Variants in PRPF19 observed in about 807,000 individuals in gnomAD.
PRPF19 encodes the protein pre-mRNA-processing factor 19.
In PRPF19, 2 loss-of-function variants were observed where a neutral mutation model predicts 64.2. The ratio of observed to expected loss-of-function variants is 0.03; its 90% CI spans 0.01 to 0.10. The LOEUF (loss-of-function observed/expected upper bound fraction) is 0.10, where lower values mean the gene tolerates loss of function less well. Among genes scored for constraint, PRPF19 ranks in the 10% least tolerant of loss-of-function variants. The pLI, the probability that PRPF19 is intolerant of heterozygous loss-of-function variation, is 1.00. For missense variants in PRPF19, 314 were observed against 650.0 expected (o/e 0.48, Z 5.62); for synonymous variants, 226 against 251.6 (o/e 0.90, Z 0.96).
chr11:60,906,491 G>C lies in PRPF19; in HGVS notation c.-109C>G. On this transcript the variant is annotated 5_prime_UTR_variant, in exon 1 of 16. Transcript: ENST00000227524. ...GCTGCTGCCGGGACTGCTCCGCGGC[G>C]AGCTGGGAGCCGCCAGCCGAGCGAT... The C allele has an allele frequency of 1.1e-5, 13 of 1,221,632 alleles. No homozygotes were observed. The highest frequency in any genetic ancestry group is 1.5e-5 in the Non-Finnish European group (13 of 877,666). 75.7% of individuals were successfully genotyped at this position (1,221,632 alleles called of 1,614,324 possible).
chr11:60,901,224 A>G (rs1855981058), intron 8 of PRPF19, 71 bp downstream of exon 8: 1 of 1,530,006 alleles, frequency 6.5e-7, no homozygotes, highest in Non-Finnish European at 9.0e-7. Flanking sequence ...AGCACTCCCC[A>G]TGCTGGCCCG....
Position 60,891,157 on chromosome 11 carries a change from G to C in PRPF19, c.*9C>G. The stretch of plus-strand genomic sequence containing the variant: ...GATGAGGCCCAGCTTCCATCAGAAG[G>C]GCCAGGGCCTACAGGCTGTAGAACT... On this transcript the variant is annotated 3_prime_UTR_variant, in exon 16 of 16. Coordinates refer to ENST00000227524, the MANE Select transcript of PRPF19 (RefSeq NM_014502.5). 1 of 1,581,820 alleles carries C rather than the reference G, an allele frequency of 6.3e-7. No individual in the cohort carries two copies. Among genetic ancestry groups the C allele is most frequent in the Non-Finnish European group, 8.6e-7 (1 of 1,160,320 alleles).
chr11:60,894,653 CA>C (rs1855900298), intron 15 of PRPF19, among the ~76,000 whole-genome samples: 1 of 152,200 alleles, frequency 6.6e-6, no homozygotes, highest in African/African-American at 2.4e-5. Flanking sequence ...CCATGAATCA[CA>C]AATGTTCTTA....
chr11:60,901,675 A>C (rs775934426), intron 6 of PRPF19, 135 bp from the exon 7 acceptor site: 76 of 980,978 alleles, frequency 7.7e-5, no homozygotes, highest in Non-Finnish European at 1.1e-4. Flanking sequence ...ACAGGCTTAA[A>C]GGCATTCTCT....
intron 1 of PRPF19, 152 bp downstream of exon 1, chr11:60,906,212 G>GT: frequency 2.4e-6 from 3 of 1,264,708 alleles, no homozygotes; most frequent in Non-Finnish European, 3.1e-6. Flanking sequence ...CGCTCCGACG[G>GT]GGGGGGCTCC....
intron 15 of PRPF19, 35 bp from the exon 16 acceptor site, chr11:60,891,298 C>T: frequency 6.7e-7 from 1 of 1,489,482 alleles, no homozygotes; most frequent in Non-Finnish European, 9.3e-7. Context: ...TGTGAGAAGG[C>T]TTTTCCTCCT....
At chr11:60,892,616 T>A (rs368179034) in intron 15 of PRPF19, among the ~76,000 whole-genome samples, 11 of 152,064 alleles carry the variant, frequency 7.2e-5, no homozygotes, top group African/African-American at 2.4e-4. Context: ...TTCTGAGAGG[T>A]TAAGTAATAT....
chr11:60,903,580 T>G, intron 2 of PRPF19, 45 bp from the exon 3 acceptor site: 3 of 1,600,074 alleles, frequency 1.9e-6, no homozygotes, highest in Non-Finnish European at 2.6e-6. Context: ...CCCAGGGGCC[T>G]CCCCCGCCAT....
Position 60,898,723 on chromosome 11 carries a change from G to A in PRPF19, c.1055-97C>T. On this transcript the variant is annotated intron_variant, in intron 12 of 15. Coordinates refer to ENST00000227524, the MANE Select transcript of PRPF19 (RefSeq NM_014502.5). The surrounding 1 kb of genome is among the most constrained non-coding windows in gnomAD (Gnocchi z 4.6). ...TTCCTTGTTCTTCACATTCCTCAGTGAACCCAGCACAAAGCCCGCACTAGA... is the reference window on the plus strand; with the variant it reads ...TTCCTTGTTCTTCACATTCCTCAGTAAACCCAGCACAAAGCCCGCACTAGA... 1 of 1,590,834 alleles carries A rather than the reference G, an allele frequency of 6.3e-7. No individual in the cohort carries two copies. The highest frequency in any genetic ancestry group is 1.1e-5 in the South Asian group (1 of 88,846).
chr11:60,895,468 G>A (rs1855909540), intron 15 of PRPF19, among the ~76,000 whole-genome samples: 1 of 152,230 alleles, frequency 6.6e-6, no homozygotes, highest in Admixed American at 6.5e-5. Flanking sequence ...ATTATGGTTT[G>A]GCTTAAAAGA....
chr11:60,903,903 T>C, intron 1 of PRPF19, 42 bp from the exon 2 acceptor site: 1 of 1,594,748 alleles, frequency 6.3e-7, no homozygotes, highest in Non-Finnish European at 8.5e-7. Context: ...GTGAAGGCAA[T>C]CTTGGGCCTA....
In PRPF19 at chr11:60,900,118, G is replaced by A. The variant is rs532934935; in HGVS notation, c.828+464C>T. On this transcript the variant is annotated intron_variant, in intron 10 of 15. Coordinates refer to ENST00000227524, the MANE Select transcript of PRPF19 (RefSeq NM_014502.5). Reference sequence around the variant, plus strand: ...CGAATCCCATAATATCATTAATCTGGTCCCATGAGTTACCTTTACCCTGTA... The same window carrying A: ...CGAATCCCATAATATCATTAATCTGATCCCATGAGTTACCTTTACCCTGTA... 1.2e-4 allele frequency among the ~76,000 whole-genome samples: 18 copies of A among 152,166 alleles called. No individual in the cohort carries two copies. In the South Asian group the frequency reaches 1.7e-3, roughly 14 times the overall value.
At chr11:60,893,341 C>CA (rs559783026) in intron 15 of PRPF19, among the ~76,000 whole-genome samples, 108 of 136,322 alleles carry the variant, frequency 7.9e-4, no homozygotes, top group South Asian at 5.6e-3. Flanking sequence ...AATACAAGTA[C>CA]AAAAAAAAAA....
intron 9 of PRPF19, 22 bp downstream of exon 9, chr11:60,900,832 C>G (rs201654787): frequency 6.2e-7 from 1 of 1,614,008 alleles, no homozygotes; most frequent in Admixed American, 1.7e-5. Flanking sequence ...TTTGGCCTGC[C>G]GGGCTAGGCC....
intron 15 of PRPF19, among the ~76,000 whole-genome samples, chr11:60,891,525 G>C (rs1210177337): frequency 6.6e-6 from 1 of 152,196 alleles, no homozygotes; most frequent in East Asian, 1.9e-4. Flanking sequence ...GGCAACTGCA[G>C]TTCGGCTAGG....
Position 60,906,379 on chromosome 11 carries a change from A to C in PRPF19, c.4T>G (p.Ser2Ala). 1 of 1,597,810 alleles carries C rather than the reference A, an allele frequency of 6.3e-7. No homozygotes were observed. Reference sequence around the variant, plus strand: ...CAACACTCACTGGAGCAGATTAGGGACATGGCGCCGTCACCGTGCTCCGAG... The same window carrying C: ...CAACACTCACTGGAGCAGATTAGGGCCATGGCGCCGTCACCGTGCTCCGAG... M[S>A]LICSISNEVP... Residue 2 changes from serine (S) to alanine (A), a missense_variant, in exon 1 of 16, where the codon TCC (serine) becomes GCC (alanine). Ser to Ala is a moderately conservative substitution (Grantham distance 99). Transcript: ENST00000227524.
Position 60,898,776 on chromosome 11 carries a change from G to A in PRPF19, c.1054+86C>T. 1 of 1,505,484 alleles carries A rather than the reference G, an allele frequency of 6.6e-7. No individual in the cohort carries two copies. Among genetic ancestry groups the A allele is most frequent in the Middle Eastern group, 1.9e-4 (1 of 5,246 alleles). 93.3% of individuals were successfully genotyped at this position (1,505,484 alleles called of 1,614,324 possible). A position where few individuals can be genotyped will look rare whatever the true frequency, so the allele number is the denominator to read the frequency against. On this transcript the variant is annotated intron_variant, in intron 12 of 15. Coordinates refer to ENST00000227524, the MANE Select transcript of PRPF19 (RefSeq NM_014502.5). The surrounding 1 kb of genome is among the most constrained non-coding windows in gnomAD (Gnocchi z 4.6). ...GGTGCTCATGGTAAATATATCTTTA[G>A]AACAAATAAACAAATGACTAAATAA...
In PRPF19 at chr11:60,898,372, C is replaced by T; in HGVS notation, c.1141-101G>A. The stretch of plus-strand genomic sequence containing the variant: ...ACCTGAGATGTCCCTCACGTCCTTC[C>T]AGGAAGGACAGCCAGCGGGACCCCC... On this transcript the variant is annotated intron_variant, in intron 13 of 15. Transcript: ENST00000227524. The surrounding 1 kb of genome is among the most constrained non-coding windows in gnomAD (Gnocchi z 4.6). 1 of 1,520,190 alleles carries T rather than the reference C, an allele frequency of 6.6e-7. No individual in the cohort carries two copies. The highest frequency in any genetic ancestry group is 1.4e-5 in the African/African-American group (1 of 72,428). 94.2% of individuals were successfully genotyped at this position (1,520,190 alleles called of 1,614,324 possible).
At chr11:60,903,906 T>G (rs372842971) in intron 1 of PRPF19, 45 bp from the exon 2 acceptor site, 2 of 1,594,168 alleles carry the variant, frequency 1.3e-6, no homozygotes, top group African/African-American at 2.7e-5. Context: ...AAGGCAATCT[T>G]GGGCCTAGAG....
Sources: gnomAD v4.1 joint callset for allele counts (sites outside exome capture counted in the v4.1 genomes callset) on GRCh38, gnomAD v4.1.1 for gene constraint, Gnocchi (gnomAD v3.1) non-coding constraint, MANE v1.5 for transcripts, NCBI Gene and HGNC (gene_info 2026-07-23, HGNC 2026-07-21) for gene names.